The following GCNT3 variants were observed in gnomAD, a reference collection of about 807,000 sequenced individuals.
The protein encoded by GCNT3 is beta-1,3-galactosyl-O-glycosyl-glycoprotein beta-1,6-N-acetylglucosaminyltransferase 3.
For synonymous variants in GCNT3, 269 were observed against 195.2 expected, an observed-to-expected ratio of 1.38 and a Z score of -3.15; for missense variants, 708 against 530.3, an observed-to-expected ratio of 1.34 and a Z score of -3.29.
intron 1 of GCNT3, among the ~76,000 whole-genome samples, chr15:59,615,493 T>A (rs1368201610): frequency 2.0e-5 from 3 of 152,152 alleles, no homozygotes; most frequent in Non-Finnish European, 4.4e-5. Context: ...CTAGGAGTGG[T>A]AGCTATGTCC....
chr15:59,619,606 T>G lies in GCNT3; in HGVS notation c.*51T>G. On this transcript the variant is annotated 3_prime_UTR_variant, in exon 3 of 3. Coordinates refer to ENST00000396065, the MANE Select transcript of GCNT3 (RefSeq NM_004751.3). The stretch of plus-strand genomic sequence containing the variant: ...TGTGGGGCAAGAGCATGTACAAACA[T>G]GCTCAGAACTTGCTGGGACAGTGTG... 8.4e-7 allele frequency: 1 copy of G among 1,190,214 alleles called. No homozygotes were observed. Among genetic ancestry groups the G allele is most frequent in the Non-Finnish European group, 1.2e-6 (1 of 821,216 alleles). The allele number at this position is 1,190,214 out of a possible 1,614,324, so 73.7% of individuals were successfully genotyped here.
rs553840734 is a variant in GCNT3 at position 59,615,466 on chromosome 15, C to T, written c.-250-1226C>T. 3.8e-4 allele frequency among the ~76,000 whole-genome samples: 58 copies of T among 152,268 alleles called. 2 individuals carry two copies. In the South Asian group the frequency reaches 0.012, roughly 31 times the overall value. Reference sequence around the variant, plus strand: ...TTCAATTTAATAATTTTCAGTTCCTCCCTTAATTCCCTCAATCTAGGAGTG... The same window carrying T: ...TTCAATTTAATAATTTTCAGTTCCTTCCTTAATTCCCTCAATCTAGGAGTG... On this transcript the variant is annotated intron_variant, in intron 1 of 2. Coordinates refer to ENST00000396065, the MANE Select transcript of GCNT3 (RefSeq NM_004751.3).
In GCNT3 at chr15:59,618,574, C is replaced by G. The variant is rs764421147; in HGVS notation, c.336C>G (p.His112Gln). 3.1e-6 allele frequency: 5 copies of G among 1,613,982 alleles called. No homozygotes were observed. In the African/African-American group the frequency reaches 5.3e-5, roughly 17 times the overall value. Reference sequence around the variant, plus strand: ...TCTCCCTCACCAGAGACTGTGAGCACTTCAAGGCTGAAAGGAAGTTCATAC... The same window carrying G: ...TCTCCCTCACCAGAGACTGTGAGCAGTTCAAGGCTGAAAGGAAGTTCATAC... ...HYLSLTRDCEHFKAERKFIQF... is the reference protein window; with the variant it reads ...HYLSLTRDCEQFKAERKFIQF... Residue 112 changes from histidine to glutamine, a missense_variant, in exon 3 of 3, where the codon CAC becomes CAG. Transcript: ENST00000396065.
intron 2 of GCNT3, among the ~76,000 whole-genome samples, chr15:59,617,433 G>A (rs145511665): frequency 4.9e-4 from 75 of 152,148 alleles, no homozygotes; most frequent in African/African-American, 1.8e-3. Flanking sequence ...ATCTATAAAA[G>A]AGGCTTAATA....
intron 1 of GCNT3, among the ~76,000 whole-genome samples, chr15:59,613,581 A>T (rs1038824191): frequency 1.3e-5 from 2 of 150,254 alleles, no homozygotes; most frequent in African/African-American, 4.9e-5. Context: ...AATAAATAAA[A>T]ATAAAAATAA....
chr15:59,616,386 G>C (rs1016398609), intron 1 of GCNT3: 39 of 152,310 alleles, frequency 2.6e-4, no homozygotes, highest in African/African-American at 9.4e-4. Context: ...CCAAACAAAA[G>C]AAGGGAGGGG....
chr15:59,621,284 T>A lies in GCNT3; in HGVS notation c.*1729T>A, dbSNP rs1369324252. ...TTCCTTGCGGGGAGACAATAAGGTA[T>A]GTGTAAATACATATATGTGTGTGTA... is the stretch of plus-strand genomic sequence containing the variant. On this transcript the variant is annotated 3_prime_UTR_variant, in exon 3 of 3. Transcript: ENST00000396065. 6.6e-6 allele frequency: 1 copy of A among 152,106 alleles called. No homozygotes were observed. Among genetic ancestry groups the A allele is most frequent in the Non-Finnish European group, 1.5e-5 (1 of 68,032 alleles). The allele number at this position is 152,106 out of a possible 1,614,324, so 9.4% of individuals were successfully genotyped here.
Position 59,621,950 on chromosome 15 carries a change from T to G in GCNT3, c.*2395T>G, listed in dbSNP as rs956526094. The G allele has an allele frequency of 6.6e-6, 1 of 151,984 alleles. No individual in the cohort carries two copies. Among genetic ancestry groups the G allele is most frequent in the Admixed American group, 6.5e-5 (1 of 15,272 alleles). 9.4% of individuals were successfully genotyped at this position (151,984 alleles called of 1,614,324 possible). On this transcript the variant is annotated 3_prime_UTR_variant, in exon 3 of 3. Coordinates refer to ENST00000396065, the MANE Select transcript of GCNT3 (RefSeq NM_004751.3). ...TCAAGTTTTCTGTCATGATCAACTT[T>G]CTCTATGCAAACCCTGTAACTCTGA...
In GCNT3 at chr15:59,619,783, A is replaced by C. The variant is rs993943495; in HGVS notation, c.*228A>C. 3 of 443,354 alleles carry C rather than the reference A, an allele frequency of 6.8e-6. No individual in the cohort carries two copies. Among genetic ancestry groups the C allele is most frequent in the African/African-American group, 5.9e-5 (3 of 50,750 alleles). The allele number at this position is 443,354 out of a possible 1,614,324, so 27.5% of individuals were successfully genotyped here. On this transcript the variant is annotated 3_prime_UTR_variant, in exon 3 of 3. Transcript: ENST00000396065. ...CCCTAACCCTAGTAGTTCCTCCACT[A>C]ACTTTCTCACTAAGTGAGAATGAGA... is the stretch of plus-strand genomic sequence containing the variant.
At chr15:59,617,528 T>C (rs2082725469) in intron 2 of GCNT3, among the ~76,000 whole-genome samples, 1 of 152,230 alleles carries the variant, frequency 6.6e-6, no homozygotes. Context: ...TCATTAAATA[T>C]TGTATATACA....
chr15:59,619,606 T>C lies in GCNT3; in HGVS notation c.*51T>C. ...TGTGGGGCAAGAGCATGTACAAACA[T>C]GCTCAGAACTTGCTGGGACAGTGTG... On this transcript the variant is annotated 3_prime_UTR_variant, in exon 3 of 3. Transcript: ENST00000396065. 2 of 1,190,214 alleles carry C rather than the reference T, an allele frequency of 1.7e-6. No individual in the cohort carries two copies. Among genetic ancestry groups the C allele is most frequent in the East Asian group, 4.7e-5 (2 of 42,672 alleles). 73.7% of individuals were successfully genotyped at this position (1,190,214 alleles called of 1,614,324 possible). A position where few individuals can be genotyped will look rare whatever the true frequency, so the allele number is the denominator to read the frequency against.
At chr15:59,616,184 G>A (rs534186689) in intron 1 of GCNT3, among the ~76,000 whole-genome samples, 2 of 152,164 alleles carry the variant, frequency 1.3e-5, no homozygotes, top group East Asian at 1.9e-4. Context: ...ATTAATAGTC[G>A]TGCAAAGACA....
rs1390595896 is a variant in GCNT3, at chr15:59,621,486, A to G, written c.*1931A>G. ...GTACAGCTCATCTTCTGCATACGATATGCCCTGGAAAGGTGATTTATATGC... is the reference window on the plus strand; with the variant it reads ...GTACAGCTCATCTTCTGCATACGATGTGCCCTGGAAAGGTGATTTATATGC... On this transcript the variant is annotated 3_prime_UTR_variant, in exon 3 of 3. Transcript: ENST00000396065. 1 of 151,052 alleles carries G rather than the reference A, an allele frequency of 6.6e-6. No individual in the cohort carries two copies. Among genetic ancestry groups the G allele is most frequent in the African/African-American group, 2.4e-5 (1 of 41,124 alleles). 9.4% of individuals were successfully genotyped at this position (151,052 alleles called of 1,614,324 possible).
intron 1 of GCNT3, among the ~76,000 whole-genome samples, chr15:59,613,266 G>A (rs559754947): frequency 6.6e-6 from 1 of 151,988 alleles, no homozygotes; most frequent in African/African-American, 2.4e-5. Flanking sequence ...GCTTTTTTGG[G>A]CTGAGTCCCA....
At position 59,619,354 on chromosome 15, in the gene GCNT3, C is replaced by A; in HGVS notation, c.1116C>A (p.Asp372Glu). ...TCAAGTGGCAGGGTCATGAGGGAGA[C>A]ATCGATAAGGGTGCTCCTTATGCTC... ...RLVKWQGHEGDIDKGAPYAPC... is the reference protein window; with the variant it reads ...RLVKWQGHEGEIDKGAPYAPC... The change falls in exon 3 of 3, where the codon GAC becomes GAA. Residue 372 changes from aspartate (D) to glutamate (E), a missense_variant. Asp to Glu is a conservative substitution (Grantham distance 45). Coordinates refer to ENST00000396065, the MANE Select transcript of GCNT3 (RefSeq NM_004751.3). The A allele has an allele frequency of 6.2e-7, 1 of 1,614,080 alleles. No individual in the cohort carries two copies. The highest frequency in any genetic ancestry group is 8.5e-7 in the Non-Finnish European group (1 of 1,179,998).
rs995801373 is a variant in GCNT3 at position 59,622,539 on chromosome 15, G to A, written c.*2984G>A. 6.6e-6 allele frequency: 1 copy of A among 152,104 alleles called. No homozygotes were observed. The highest frequency in any genetic ancestry group is 1.5e-5 in the Non-Finnish European group (1 of 68,040). The allele number at this position is 152,104 out of a possible 1,614,324, so 9.4% of individuals were successfully genotyped here. ...CCTCCCCCTGCTGGCTGATGTGATG[G>A]TCCTTGGTCCTCCTCTGAAGGAGGT... On this transcript the variant is annotated 3_prime_UTR_variant, in exon 3 of 3. Coordinates refer to ENST00000396065, the MANE Select transcript of GCNT3 (RefSeq NM_004751.3).
chr15:59,615,995 T>C, intron 1 of GCNT3, among the ~76,000 whole-genome samples: 1 of 152,228 alleles, frequency 6.6e-6, no homozygotes. Flanking sequence ...TCAGCAGCTT[T>C]GAAGAAGGCA....
rs187629248 is a variant in GCNT3, at chr15:59,619,281, A to G, written c.1043A>G (p.Asn348Ser). 8.7e-6 allele frequency: 14 copies of G among 1,613,860 alleles called. No individual in the cohort carries two copies. Among genetic ancestry groups the G allele is most frequent in the Admixed American group, 6.7e-5 (4 of 59,974 alleles). ...RARWMPGSVP[N>S]HPKYDISDMT... ...CGGTGGATGCCTGGCTCTGTTCCCAACCACCCCAAGTACGACATCTCAGAC... is the reference window on the plus strand; with the variant it reads ...CGGTGGATGCCTGGCTCTGTTCCCAGCCACCCCAAGTACGACATCTCAGAC... The change falls in exon 3 of 3, where the codon AAC becomes AGC. Residue 348 changes from asparagine (N) to serine (S), a missense_variant. Transcript: ENST00000396065.
In GCNT3 at chr15:59,617,240, C is replaced by T. The variant is rs568426297; in HGVS notation, c.-61+359C>T. ...GGACAGTGAAATTTGTTTGGGAGTC[C>T]AAACAAAATATAAAAGAGCTATAAT... On this transcript the variant is annotated intron_variant, in intron 2 of 2. Transcript: ENST00000396065. 1.4e-4 allele frequency among the ~76,000 whole-genome samples: 20 copies of T among 145,386 alleles called. No homozygotes were observed. In the South Asian group the frequency reaches 3.7e-3, roughly 27 times the overall value.
Sources: allele counts gnomAD v4.1 joint callset (sites outside exome capture counted in the v4.1 genomes callset), GRCh38; gene constraint gnomAD v4.1.1; transcripts MANE v1.5; gene names NCBI Gene and HGNC (gene_info 2026-07-23, HGNC 2026-07-21).